Variants in MLLT1 observed in about 807,000 individuals in gnomAD.
The protein encoded by MLLT1 is MLLT1 super elongation complex subunit, also known as protein ENL.
In MLLT1, 11 loss-of-function variants were observed where a neutral mutation model predicts 55.1. The observed-to-expected ratio is 0.20, with a 90% CI of 0.13 to 0.33. The LOEUF (loss-of-function observed/expected upper bound fraction) is 0.33, where lower values mean the gene tolerates loss of function less well. Among genes scored for constraint, MLLT1 ranks in the 10% least tolerant of loss-of-function variants. The probability of loss-of-function intolerance (pLI) is 1.00; values close to 1 mark genes in which losing one functional copy is unlikely to be tolerated. For synonymous variants in MLLT1, 323 were observed against 320.1 expected (o/e 1.01, Z -0.10); for missense variants, 536 against 760.6 (o/e 0.70, Z 3.47).
At chr19:6,252,718 G>T (rs1234498093) in intron 3 of MLLT1, among the ~76,000 whole-genome samples, 1 of 151,684 alleles carries the variant, frequency 6.6e-6, no homozygotes, top group Non-Finnish European at 1.5e-5. Flanking sequence ...GAAAAGAACA[G>T]AAATAAAATA....
At chr19:6,224,775 G>T (rs1042151334) in intron 5 of MLLT1, among the ~76,000 whole-genome samples, 3 of 152,174 alleles carry the variant, frequency 2.0e-5, no homozygotes, top group Non-Finnish European at 4.4e-5. Flanking sequence ...TGTCGCCCAG[G>T]CTGGAGTGCA....
Position 6,226,924 on chromosome 19 carries a change from AC to A in MLLT1, c.546+52del. 6.8e-7 allele frequency: 1 copy of A among 1,476,020 alleles called. No homozygotes were observed. The highest frequency in any genetic ancestry group is 9.0e-7 in the Non-Finnish European group (1 of 1,113,636). 91.4% of individuals were successfully genotyped at this position (1,476,020 alleles called of 1,614,324 possible). Reference sequence around the variant, plus strand: ...GAGGGAGGGCGCCGGGGCCAGACCCACCACAGCTGGGCCCCGGCGCTCCCAC... The same window carrying A: ...GAGGGAGGGCGCCGGGGCCAGACCCACACAGCTGGGCCCCGGCGCTCCCAC... On this transcript the variant is annotated intron_variant, in intron 5 of 11. Transcript: ENST00000252674. The surrounding 1 kb of genome is among the most constrained non-coding windows in gnomAD (Gnocchi z 6.3).
At chr19:6,241,808 C>T (rs557915364) in intron 3 of MLLT1, among the ~76,000 whole-genome samples, 1 of 152,378 alleles carries the variant, frequency 6.6e-6, no homozygotes, top group South Asian at 2.1e-4. Context: ...ATCCATGCGG[C>T]TTGTCACAAC....
At chr19:6,265,639 C>T (rs1419304708) in intron 2 of MLLT1, among the ~76,000 whole-genome samples, 1 of 151,674 alleles carries the variant, frequency 6.6e-6, no homozygotes, top group Non-Finnish European at 1.5e-5. Flanking sequence ...CATTGCACTC[C>T]AGCCTGGGCA....
rs1316116476 is a variant in MLLT1 at position 6,222,524 on chromosome 19, C to T, written c.707G>A (p.Gly236Asp). The stretch of plus-strand genomic sequence containing the variant: ...CGCCTTCTCCTCCTTGGGCAGCCGG[C>T]CCTCGCCCAGCTTCCGCGAGGTGTC... ...SKDTSRKLGEGRLPKEEKAPP... is the reference protein window; with the variant it reads ...SKDTSRKLGEDRLPKEEKAPP... The change falls in exon 6 of 12, where the codon GGC becomes GAC. Residue 236 changes from glycine to aspartate, a missense_variant. Coordinates refer to ENST00000252674, the MANE Select transcript of MLLT1 (RefSeq NM_005934.4). This position sits in a 1 kb window ranked among gnomAD's most constrained non-coding sequence, Gnocchi z 4.1. 6.2e-7 allele frequency: 1 copy of T among 1,600,174 alleles called. No homozygotes were observed. Among genetic ancestry groups the T allele is most frequent in the South Asian group, 1.1e-5 (1 of 91,022 alleles).
At chr19:6,241,407 G>A (rs2091111891) in intron 3 of MLLT1, among the ~76,000 whole-genome samples, 1 of 131,988 alleles carries the variant, frequency 7.6e-6, no homozygotes, top group Admixed American at 7.1e-5. Flanking sequence ...TCCTGTACAG[G>A]AGGCACAAAC....
chr19:6,222,068 G>A lies in MLLT1; in HGVS notation c.1110+53C>T, dbSNP rs955684711. 159 of 1,381,582 alleles carry A rather than the reference G, an allele frequency of 1.2e-4. No individual in the cohort carries two copies. The highest frequency in any genetic ancestry group is 1.4e-4 in the Non-Finnish European group (149 of 1,048,310). The allele number at this position is 1,381,582 out of a possible 1,614,324, so 85.6% of individuals were successfully genotyped here. ...CCTTCCGCTGTTCCAGAAGGGAGGC[G>A]GGTCCCACCACACTGCCTGCACCTG... On this transcript the variant is annotated intron_variant, in intron 6 of 11. Coordinates refer to ENST00000252674, the MANE Select transcript of MLLT1 (RefSeq NM_005934.4). This position sits in a 1 kb window ranked among gnomAD's most constrained non-coding sequence, Gnocchi z 4.1.
chr19:6,223,072 C>A (rs2090919349), intron 5 of MLLT1, among the ~76,000 whole-genome samples: 1 of 152,176 alleles, frequency 6.6e-6, no homozygotes, highest in Non-Finnish European at 1.5e-5. Context: ...CTGCGGGGTG[C>A]TGGCGGGCAC....
Position 6,229,522 on chromosome 19 carries a change from C to T in MLLT1, c.420+1048G>A, listed in dbSNP as rs1446746300. Among the ~76,000 whole-genome samples the T allele has an allele frequency of 1.3e-5, 2 of 152,000 alleles. No homozygotes were observed. The highest frequency in any genetic ancestry group is 2.4e-5 in the African/African-American group (1 of 41,340). On this transcript the variant is annotated intron_variant, in intron 4 of 11. Transcript: ENST00000252674. This position sits in a 1 kb window ranked among gnomAD's most constrained non-coding sequence, Gnocchi z 5.2. ...CGCATACCCCACACGTCATACATGC[C>T]ACATACACACCTGACACATTCACAT... is the stretch of plus-strand genomic sequence containing the variant.
rs758120384 is a variant in MLLT1, at chr19:6,262,137, A to G, written c.276+91T>C. The G allele has an allele frequency of 3.1e-5, 30 of 977,868 alleles. No homozygotes were observed. The highest frequency in any genetic ancestry group is 4.7e-5 in the Non-Finnish European group (29 of 612,264). 60.6% of individuals were successfully genotyped at this position (977,868 alleles called of 1,614,324 possible). On this transcript the variant is annotated intron_variant, in intron 3 of 11. Coordinates refer to ENST00000252674, the MANE Select transcript of MLLT1 (RefSeq NM_005934.4). The surrounding 1 kb of genome is among the most constrained non-coding windows in gnomAD (Gnocchi z 4.4). ...GAATGTCTGTGCATGGGCAGCGGCC[A>G]GTTCTCTGGCCTGTTTTGTGAACTG...
chr19:6,252,340 C>T (rs535621531), intron 3 of MLLT1, among the ~76,000 whole-genome samples: 1 of 152,228 alleles, frequency 6.6e-6, no homozygotes, highest in Non-Finnish European at 1.5e-5. Context: ...CTCCAGCTTG[C>T]AGGTGGCCTG....
intron 1 of MLLT1, among the ~76,000 whole-genome samples, chr19:6,272,930 A>G (rs762508796): frequency 5.3e-5 from 8 of 152,232 alleles, no homozygotes; most frequent in African/African-American, 1.7e-4. Context: ...AAACATGTAC[A>G]TGATACAGAT....
At chr19:6,279,444 C>T (rs1349354731) in intron 1 of MLLT1, among the ~76,000 whole-genome samples, 1 of 151,966 alleles carries the variant, frequency 6.6e-6, no homozygotes, top group Non-Finnish European at 1.5e-5. Context: ...GGGCTGGGGT[C>T]CCCAGGGGCG....
At chr19:6,214,072 G>T in intron 8 of MLLT1, 34 bp from the exon 9 acceptor site, 1 of 1,329,190 alleles carries the variant, frequency 7.5e-7, no homozygotes. Flanking sequence ...TCAGGCCCCT[G>T]CCGCCACCAC....
At position 6,211,463 on chromosome 19, in the gene MLLT1, G is replaced by T; in HGVS notation, c.*1579C>A. 1 of 382,536 alleles carries T rather than the reference G, an allele frequency of 2.6e-6. No homozygotes were observed. The highest frequency in any genetic ancestry group is 3.9e-6 in the Non-Finnish European group (1 of 254,996). 23.7% of individuals were successfully genotyped at this position (382,536 alleles called of 1,614,324 possible). On this transcript the variant is annotated 3_prime_UTR_variant, in exon 12 of 12. Transcript: ENST00000252674. This position sits in a 1 kb window ranked among gnomAD's most constrained non-coding sequence, Gnocchi z 4.6. ...ATGGGTCCCCACCAAGGAGTGTTCA[G>T]GATCTGCTGACAGAATCAGAGCAGG...
chr19:6,215,777 G>A (rs910855024), intron 8 of MLLT1, among the ~76,000 whole-genome samples: 9 of 152,142 alleles, frequency 5.9e-5, no homozygotes, highest in Admixed American at 2.6e-4. Context: ...ACCCCCGCCC[G>A]CTGAAGCCTG....
chr19:6,213,966 G>A lies in MLLT1; in HGVS notation c.1380C>T (p.Pro460=), dbSNP rs751810970. The stretch of plus-strand genomic sequence containing the variant: ...TGCTGTTGGGCGGGGGTGGCTTCTG[G>A]GGGGGTGGGGGCTCACGGCTGGGCA... ...SSLPSREPPP[P]QKPPPPNSKV... is the part of the protein sequence containing the mutation. The change falls in exon 9 of 12, where the codon CCC becomes CCT. Residue 460 remains proline (P), a synonymous_variant. Transcript: ENST00000252674. 6.9e-7 allele frequency: 1 copy of A among 1,458,176 alleles called. No homozygotes were observed. Among genetic ancestry groups the A allele is most frequent in the Non-Finnish European group, 9.0e-7 (1 of 1,105,164 alleles). 90.3% of individuals were successfully genotyped at this position (1,458,176 alleles called of 1,614,324 possible).
intron 2 of MLLT1, among the ~76,000 whole-genome samples, chr19:6,264,353 A>G (rs2091329328): frequency 6.6e-6 from 1 of 151,878 alleles, no homozygotes; most frequent in Non-Finnish European, 1.5e-5. Context: ...CAGCGTGGAA[A>G]CCAGACCCCG....
At chr19:6,234,454 G>C (rs1333911163) in intron 3 of MLLT1, among the ~76,000 whole-genome samples, 1 of 152,250 alleles carries the variant, frequency 6.6e-6, no homozygotes, top group South Asian at 2.1e-4. Context: ...GGAACGAGGT[G>C]GGGGAGGAGA....
Sources: gnomAD v4.1 joint callset for allele counts (sites outside exome capture counted in the v4.1 genomes callset) on GRCh38, gnomAD v4.1.1 for gene constraint, Gnocchi (gnomAD v3.1) non-coding constraint, MANE v1.5 for transcripts, NCBI Gene and HGNC (gene_info 2026-07-23, HGNC 2026-07-21) for gene names.